Variants in MAPKBP1 observed in about 807,000 individuals in gnomAD.
The protein encoded by MAPKBP1 is mitogen-activated protein kinase binding protein 1.
MAPKBP1 carries 71 observed loss-of-function variants against 170.5 expected under a neutral mutation model. The ratio of observed to expected loss-of-function variants is 0.42; its 90% CI spans 0.34 to 0.51. The LOEUF (loss-of-function observed/expected upper bound fraction) is 0.51, where lower values mean the gene tolerates loss of function less well. MAPKBP1 is among the 20% of genes least tolerant of loss of function. The pLI is 0.06. For synonymous variants in MAPKBP1, 719 were observed against 757.9 expected, an observed-to-expected ratio of 0.95 and a Z score of 0.84; for missense variants, 1,598 against 1,933.0, an observed-to-expected ratio of 0.83 and a Z score of 3.25.
rs1383437430 is a variant in MAPKBP1, at chr15:41,823,986, C to G, written c.4138C>G (p.Gln1380Glu). The G allele has an allele frequency of 6.2e-7, 1 of 1,613,830 alleles. No individual in the cohort carries two copies. The highest frequency in any genetic ancestry group is 8.5e-7 in the Non-Finnish European group (1 of 1,180,020). Residue 1380 changes from glutamine (Q) to glutamate (E), a missense_variant, in exon 29 of 31, where the codon CAG becomes GAG. This residue lies in a region of MAPKBP1 where 942 missense variants were observed against 953.2 expected (regional missense o/e 0.99). Coordinates refer to ENST00000457542, the MANE Select transcript of MAPKBP1 (RefSeq NM_014994.3). ...SSLFQGPENLQPPPPEKTPNP... is the reference protein window; with the variant it reads ...SSLFQGPENLEPPPPEKTPNP... ...CCTCTTCCAAGGCCCTGAAAACTTG[C>G]AGCCCCCACCCCCTGAGAAGACTCC...
At chr15:41,821,208 G>T (rs1345960820) in intron 23 of MAPKBP1, 140 bp downstream of exon 23, 51 of 808,242 alleles carry the variant, frequency 6.3e-5, no homozygotes, top group Non-Finnish European at 1.0e-5. Context: ...TGCAAAGCCA[G>T]GATGGGGGTG....
At chr15:41,791,142 G>C (rs2064389186) in intron 2 of MAPKBP1, among the ~76,000 whole-genome samples, 3 of 152,104 alleles carry the variant, frequency 2.0e-5, no homozygotes, top group Admixed American at 2.0e-4. Context: ...TGGTTTGGCT[G>C]GAATGACTTA....
intron 2 of MAPKBP1, among the ~76,000 whole-genome samples, chr15:41,783,346 T>G (rs937320049): frequency 5.3e-5 from 8 of 152,060 alleles, no homozygotes; most frequent in Non-Finnish European, 8.8e-5. Context: ...CCTCTTCCAG[T>G]TGGGAAAAAA....
Position 41,810,955 on chromosome 15 carries a change from C to T in MAPKBP1, c.269+10C>T. 6.2e-7 allele frequency: 1 copy of T among 1,614,104 alleles called. No individual in the cohort carries two copies. The highest frequency in any genetic ancestry group is 8.5e-7 in the Non-Finnish European group (1 of 1,179,962). On this transcript the variant is annotated intron_variant, in intron 4 of 30. Transcript: ENST00000457542. The stretch of plus-strand genomic sequence containing the variant: ...TCCTCAACAGTTCCAGGTAAATGGG[C>T]TGGGGTCCTCAGGATACCTCTTCCT...
chr15:41,793,030 T>C (rs1027645881), intron 2 of MAPKBP1, among the ~76,000 whole-genome samples: 1 of 152,102 alleles, frequency 6.6e-6, no homozygotes, highest in Non-Finnish European at 1.5e-5. Flanking sequence ...CTTCGCATAC[T>C]TCCACTAGAT....
intron 2 of MAPKBP1, among the ~76,000 whole-genome samples, chr15:41,775,684 A>T (rs553932184): frequency 8.5e-5 from 13 of 152,210 alleles, no homozygotes; most frequent in Non-Finnish European, 1.5e-4. Flanking sequence ...ATATGCTATG[A>T]CTCAGTTTCC....
At chr15:41,786,777 A>AAT (rs1180590172) in intron 2 of MAPKBP1, among the ~76,000 whole-genome samples, 9 of 32,454 alleles carry the variant, frequency 2.8e-4, no homozygotes, top group African/African-American at 7.9e-4. Flanking sequence ...AAAAAAAAAA[A>AAT]ATATATATAT....
chr15:41,819,546 G>GA, intron 21 of MAPKBP1, 49 bp from the exon 22 acceptor site: 1 of 1,501,108 alleles, frequency 6.7e-7, no homozygotes. Flanking sequence ...GGGTTGGGTG[G>GA]CGGGGGGGGG....
chr15:41,811,131 T>C (rs2064797693), intron 4 of MAPKBP1, 47 bp from the exon 5 acceptor site: 2 of 1,608,066 alleles, frequency 1.2e-6, no homozygotes, highest in Non-Finnish European at 8.5e-7. Context: ...GGGCTAGGCT[T>C]AGGCCAGGCT....
chr15:41,781,144 C>T (rs1352462431), intron 2 of MAPKBP1, among the ~76,000 whole-genome samples: 1 of 150,994 alleles, frequency 6.6e-6, no homozygotes, highest in African/African-American at 2.4e-5. Flanking sequence ...GGCGTGATCT[C>T]AGCTCACTGC....
chr15:41,800,986 C>A (rs187368544), intron 3 of MAPKBP1, among the ~76,000 whole-genome samples: 6 of 152,254 alleles, frequency 3.9e-5, no homozygotes, highest in Non-Finnish European at 7.4e-5. Flanking sequence ...CCTCCCGCTT[C>A]AGCTTCCCAA....
At chr15:41,816,055 TCTTA>T (rs2064884995) in intron 12 of MAPKBP1, among the ~76,000 whole-genome samples, 1 of 152,250 alleles carries the variant, frequency 6.6e-6, no homozygotes, top group Non-Finnish European at 1.5e-5. Context: ...TCTGTGGTAT[TCTTA>T]CCAAAAATGC....
At chr15:41,806,763 TG>T (rs2064703527) in intron 3 of MAPKBP1, among the ~76,000 whole-genome samples, 1 of 152,200 alleles carries the variant, frequency 6.6e-6, no homozygotes, top group Non-Finnish European at 1.5e-5. Flanking sequence ...CTCACCCTGC[TG>T]GGCAGGGTCA....
intron 6 of MAPKBP1, 138 bp from the exon 7 acceptor site, chr15:41,812,378 C>G: frequency 7.8e-7 from 1 of 1,279,414 alleles, no homozygotes; most frequent in Non-Finnish European, 1.1e-6. Flanking sequence ...ATTTCCCTAC[C>G]CCTCTTTTTC....
At chr15:41,811,129 C>T in intron 4 of MAPKBP1, 49 bp from the exon 5 acceptor site, 2 of 1,606,322 alleles carry the variant, frequency 1.2e-6, no homozygotes, top group Non-Finnish European at 8.5e-7. Flanking sequence ...GGGGGCTAGG[C>T]TTAGGCCAGG....
intron 3 of MAPKBP1, among the ~76,000 whole-genome samples, chr15:41,802,084 C>T (rs1481478981): frequency 6.6e-6 from 1 of 152,072 alleles, no homozygotes; most frequent in Non-Finnish European, 1.5e-5. Context: ...GGTTACTGTA[C>T]TGAATACTGT....
At position 41,817,466 on chromosome 15, in the gene MAPKBP1, C is replaced by T. The variant is rs773971471; in HGVS notation, c.1782+8C>T. 3.4e-5 allele frequency: 48 copies of T among 1,420,204 alleles called. No homozygotes were observed. The highest frequency in any genetic ancestry group is 2.2e-4 in the East Asian group (8 of 35,928). 88.0% of individuals were successfully genotyped at this position (1,420,204 alleles called of 1,614,324 possible). A position where few individuals can be genotyped will look rare whatever the true frequency, so the allele number is the denominator to read the frequency against. On this transcript the variant is annotated splice_region_variant and intron_variant, in intron 15 of 30. Coordinates refer to ENST00000457542, the MANE Select transcript of MAPKBP1 (RefSeq NM_014994.3). This position sits in a 1 kb window ranked among gnomAD's most constrained non-coding sequence, Gnocchi z 4.2. ...TTCCGCACTGCGCAGAAGGTGAGGG[C>T]GCTGGGCTTTCCTGAGAGGGGCGGG...
At chr15:41,800,684 C>A (rs1408788375) in intron 3 of MAPKBP1, among the ~76,000 whole-genome samples, 1 of 150,740 alleles carries the variant, frequency 6.6e-6, no homozygotes, top group Non-Finnish European at 1.5e-5. Flanking sequence ...ACCAGACCTT[C>A]ATCCCTAGGC....
intron 3 of MAPKBP1, chr15:41,810,588 A>T (rs1453641190): frequency 8.0e-6 from 3 of 375,156 alleles, no homozygotes; most frequent in Non-Finnish European, 9.5e-6. Flanking sequence ...GCATGGTGGC[A>T]CATGCCTGTG....
Sources: allele counts gnomAD v4.1 joint callset (sites outside exome capture counted in the v4.1 genomes callset), GRCh38; gene constraint gnomAD v4.1.1; regional missense constraint gnomAD v4.1.1; non-coding constraint Gnocchi (gnomAD v3.1); transcripts MANE v1.5; gene names NCBI Gene and HGNC (gene_info 2026-07-23, HGNC 2026-07-21).